Variants in SSBP3 observed in about 807,000 individuals in gnomAD.
SSBP3 encodes the protein single stranded DNA binding protein 3, also known as single-stranded DNA-binding protein 3.
SSBP3 carries 5 observed loss-of-function variants against 69.6 expected under a neutral mutation model. The observed-to-expected ratio is 0.07, with a 90% confidence interval of 0.04 to 0.15. SSBP3 has a LOEUF of 0.15. Among genes scored for constraint, SSBP3 ranks in the 10% least tolerant of loss-of-function variants. The pLI, the probability that SSBP3 is intolerant of heterozygous loss-of-function variation, is 1.00. For missense variants in SSBP3, 312 were observed against 534.0 expected (o/e 0.58, Z 4.10); for synonymous variants, 196 against 193.4 (o/e 1.01, Z -0.11).
chr1:54,245,538 G>A lies in SSBP3; in HGVS notation c.652-2239C>T, dbSNP rs1017720207. 5.3e-5 allele frequency among the ~76,000 whole-genome samples: 8 copies of A among 152,308 alleles called. No individual in the cohort carries two copies. The East Asian group carries it at 1.4e-3, about 26-fold the overall frequency. On this transcript the variant is annotated intron_variant, in intron 9 of 17. Transcript: ENST00000610401. ...CATCTTCCAAATCTCACCACCCTGGGGCCACCTGCTCCGCTTGCTCAGCCA... is the reference window on the plus strand; with the variant it reads ...CATCTTCCAAATCTCACCACCCTGGAGCCACCTGCTCCGCTTGCTCAGCCA...
chr1:54,375,426 T>C (rs6698446), intron 4 of SSBP3, among the ~76,000 whole-genome samples: 91,669 of 151,938 alleles, frequency 0.6, 28,960 homozygotes, highest in African/African-American at 0.78. Context: ...CAGAGGACTC[T>C]GCTCTGAGCT....
At position 54,369,819 on chromosome 1, in the gene SSBP3, G is replaced by A. The variant is rs1647097790; in HGVS notation, c.276+32042C>T. 3.6e-5 allele frequency among the ~76,000 whole-genome samples: 5 copies of A among 138,518 alleles called. 1 individual carries two copies. The South Asian group carries it at 1.1e-3, about 31-fold the overall frequency. 90.9% of individuals were successfully genotyped at this position (138,518 alleles called of 152,430 possible). The stretch of plus-strand genomic sequence containing the variant: ...AACGTGACCCTGTCCCTTTGGTTGA[G>A]ATGGGATTCCCAAGATTAGTACCCT... On this transcript the variant is annotated intron_variant, in intron 4 of 17. Coordinates refer to ENST00000610401, the Ensembl canonical transcript of SSBP3.
At chr1:54,383,834 C>T (rs1003548871) in intron 4 of SSBP3, among the ~76,000 whole-genome samples, 8 of 152,032 alleles carry the variant, frequency 5.3e-5, no homozygotes, top group African/African-American at 1.9e-4. Context: ...CGGCCGGGCA[C>T]GGTGGCTCAC....
At chr1:54,294,779 G>A (rs1241290538) in intron 4 of SSBP3, among the ~76,000 whole-genome samples, 1 of 152,154 alleles carries the variant, frequency 6.6e-6, no homozygotes, top group Non-Finnish European at 1.5e-5. Context: ...ACGAGTGTCT[G>A]CTCCACTGGC....
chr1:54,351,901 G>C (rs967200872), intron 4 of SSBP3, among the ~76,000 whole-genome samples: 2 of 152,266 alleles, frequency 1.3e-5, no homozygotes, highest in Admixed American at 1.3e-4. Context: ...CCAAACATCT[G>C]TATGTTTATT....
At chr1:54,290,451 G>A (rs1645583913) in intron 4 of SSBP3, among the ~76,000 whole-genome samples, 1 of 152,208 alleles carries the variant, frequency 6.6e-6, no homozygotes, top group African/African-American at 2.4e-5. Context: ...CTGGGGATGG[G>A]GAGACAAAAA....
chr1:54,228,632 G>C (rs1307144221), intron 15 of SSBP3, 116 bp downstream of exon 15: 3 of 1,474,324 alleles, frequency 2.0e-6, no homozygotes, highest in Non-Finnish European at 2.8e-6. Context: ...GGATCGTCCT[G>C]TGTGCCCAGC....
rs138493426 is a variant in SSBP3, at chr1:54,347,677, G to A, written c.276+54184C>T. 3.2e-3 allele frequency among the ~76,000 whole-genome samples: 482 copies of A among 152,340 alleles called. 3 individuals are homozygous for A. Among genetic ancestry groups the A allele is most frequent in the African/African-American group, 0.011 (454 of 41,576 alleles). On this transcript the variant is annotated intron_variant, in intron 4 of 17. Transcript: ENST00000610401. ...CTGATGCAATGACTGGTATCCATAT[G>A]AAATGAGGGGAATATAAAATGAGAT...
chr1:54,235,448 A>ATTTTT (rs71580002), intron 14 of SSBP3, among the ~76,000 whole-genome samples: 16 of 69,920 alleles, frequency 2.3e-4, no homozygotes, highest in South Asian at 1.1e-3. Flanking sequence ...TGCCCGGCTG[A>ATTTTT]TTTTTTTTTT....
At chr1:54,336,323 G>T (rs990507220) in intron 4 of SSBP3, among the ~76,000 whole-genome samples, 1 of 152,176 alleles carries the variant, frequency 6.6e-6, no homozygotes, top group Non-Finnish European at 1.5e-5. Context: ...GGGACTCACC[G>T]GAAATCTTCC....
intron 9 of SSBP3, among the ~76,000 whole-genome samples, chr1:54,247,810 T>C (rs928738054): frequency 6.6e-6 from 1 of 152,198 alleles, no homozygotes; most frequent in Non-Finnish European, 1.5e-5. Context: ...CAGTTTTAGC[T>C]TCGTCCTATT....
chr1:54,305,859 A>G (rs1232548222), intron 4 of SSBP3, among the ~76,000 whole-genome samples: 1 of 148,844 alleles, frequency 6.7e-6, no homozygotes, highest in African/African-American at 2.5e-5. Flanking sequence ...TCTATCTAGC[A>G]GCCGTCTCTC....
intron 5 of SSBP3, among the ~76,000 whole-genome samples, chr1:54,259,285 G>C (rs1245721239): frequency 6.6e-6 from 1 of 151,782 alleles, no homozygotes; most frequent in Non-Finnish European, 1.5e-5. Context: ...AAAAATCCGA[G>C]GTAATAAAAA....
intron 5 of SSBP3, among the ~76,000 whole-genome samples, chr1:54,261,624 C>T (rs554081199): frequency 2.6e-4 from 39 of 152,258 alleles, no homozygotes; most frequent in African/African-American, 9.4e-4. Flanking sequence ...CTTCCACTTG[C>T]TGGAAGCTTT....
chr1:54,320,483 A>AT (rs34877518), intron 4 of SSBP3, among the ~76,000 whole-genome samples: 1 of 151,576 alleles, frequency 6.6e-6, no homozygotes, highest in South Asian at 2.1e-4. Context: ...ATGCTGGCTA[A>AT]TTTTTTTTGT....
intron 4 of SSBP3, among the ~76,000 whole-genome samples, chr1:54,327,298 A>G (rs894831348): frequency 6.7e-6 from 1 of 149,474 alleles, no homozygotes; most frequent in Non-Finnish European, 1.5e-5. Context: ...ACAACAAAAA[A>G]CCCCCCAAAA....
At chr1:54,406,986 G>A (rs1218517776), upstream of SSBP3, among the ~76,000 whole-genome samples, 2 of 151,870 alleles carry the variant, frequency 1.3e-5, no homozygotes, top group Admixed American at 1.3e-4. Context: ...CCTCCCTCTC[G>A]CCCAGTCTGG....
In SSBP3 at chr1:54,390,623, T is replaced by C. The variant is rs578201742; in HGVS notation, c.276+11238A>G. Among the ~76,000 whole-genome samples the C allele has an allele frequency of 4.6e-5, 7 of 152,342 alleles. No homozygotes were observed. In the East Asian group the frequency reaches 1.2e-3, roughly 25 times the overall value. On this transcript the variant is annotated intron_variant, in intron 4 of 17. Transcript: ENST00000610401. ...CCATCACAACTAACTCAAATTGTATTGGCTTCCCCGATGCTGAAATGCTCT... is the reference window on the plus strand; with the variant it reads ...CCATCACAACTAACTCAAATTGTATCGGCTTCCCCGATGCTGAAATGCTCT...
At chr1:54,355,811 G>A (rs982568937) in intron 4 of SSBP3, among the ~76,000 whole-genome samples, 3 of 152,144 alleles carry the variant, frequency 2.0e-5, no homozygotes, top group Admixed American at 1.3e-4. Context: ...AAACCCCTGC[G>A]TACATCCCTC....
Sources: allele counts gnomAD v4.1 joint callset (sites outside exome capture counted in the v4.1 genomes callset), GRCh38; gene constraint gnomAD v4.1.1; transcripts MANE v1.5; gene names NCBI Gene and HGNC (gene_info 2026-07-23, HGNC 2026-07-21).